ZSCAN30: variants seen among roughly 807,000 people sequenced by gnomAD.
The protein encoded by ZSCAN30 is zinc finger and SCAN domain-containing protein 30.
In ZSCAN30, 37 loss-of-function variants were observed where a neutral mutation model predicts 44.3. The observed-to-expected ratio is 0.84, with a 90% confidence interval of 0.64 to 1.10. The LOEUF is 1.10. Ranked by LOEUF, ZSCAN30 falls within the 50% of genes least tolerant of loss-of-function variation. ZSCAN30 has a pLI of 0.00. For synonymous variants in ZSCAN30, 181 were observed against 204.6 expected (o/e 0.88, Z 0.98); for missense variants, 549 against 582.6 (o/e 0.94, Z 0.59).
Position 35,263,574 on chromosome 18 carries a change from C to T in ZSCAN30, c.492G>A (p.Val164=), listed in dbSNP as rs1569070931. 1.2e-6 allele frequency: 2 copies of T among 1,614,214 alleles called. No homozygotes were observed. Among genetic ancestry groups the T allele is most frequent in the African/African-American group, 1.3e-5 (1 of 75,050 alleles). ...TCTTGCACTGGTTCTCTAAGGGCTG[C>T]ACCGGGCTATTCAGAGACAGAGACT... The part of the protein sequence containing the change: ...ALKSLSLNSP[V]QPLENQCKTE... Residue 164 remains valine, a synonymous_variant, in exon 3 of 4, where the codon GTG becomes GTA. Coordinates refer to ENST00000333206, the MANE Select transcript of ZSCAN30 (RefSeq NM_001112734.4).
intron 1 of ZSCAN30, chr18:35,282,204 C>CAGTA (rs2044467611): frequency 6.6e-6 from 1 of 152,152 alleles, no homozygotes; most frequent in African/African-American, 2.4e-5. Context: ...CTTTATATGT[C>CAGTA]AGTATTTAAG....
intron 1 of ZSCAN30, among the ~76,000 whole-genome samples, chr18:35,288,610 A>G (rs542054783): frequency 6.6e-6 from 1 of 152,278 alleles, no homozygotes; most frequent in Non-Finnish European, 1.5e-5. Context: ...ACAATGGAAT[A>G]TTATTCAGCA....
At chr18:35,261,311 C>T (rs576603811) in intron 3 of ZSCAN30, 3 of 152,188 alleles carry the variant, frequency 2.0e-5, no homozygotes, top group Non-Finnish European at 2.9e-5. Flanking sequence ...GTTCTTTTTG[C>T]TTAGGATTGT....
At chr18:35,257,996 G>A in intron 3 of ZSCAN30, 1 of 780,890 alleles carries the variant, frequency 1.3e-6, no homozygotes, top group East Asian at 2.4e-5. Context: ...CGCTACTTCT[G>A]GCAAGGCATA....
chr18:35,263,511 A>G lies in ZSCAN30; in HGVS notation c.553+2T>C, dbSNP rs2143700367. On this transcript the variant is annotated splice_donor_variant, in intron 3 of 3. Transcript: ENST00000333206. LOFTEE classifies it high-confidence loss of function. ...AACCCCACATGGACTGGGGCTTCTC[A>G]CCTCTCTCCTGGAAAGCCTGGGACT... The G allele has an allele frequency of 1.2e-6, 2 of 1,613,954 alleles. No individual in the cohort carries two copies. Among genetic ancestry groups the G allele is most frequent in the East Asian group, 4.5e-5 (2 of 44,864 alleles).
intron 1 of ZSCAN30, among the ~76,000 whole-genome samples, chr18:35,285,732 A>C (rs1033861462): frequency 6.6e-5 from 10 of 152,102 alleles, no homozygotes; most frequent in African/African-American, 2.4e-4. Context: ...AATTTATAGC[A>C]CCAAATTTCT....
At chr18:35,288,639 TACAC>T (rs1177544099) in intron 1 of ZSCAN30, among the ~76,000 whole-genome samples, 5 of 152,198 alleles carry the variant, frequency 3.3e-5, no homozygotes, top group African/African-American at 4.8e-5. Flanking sequence ...TAACTATTGA[TACAC>T]ACAGCAATAA....
chr18:35,252,807 T>A lies in ZSCAN30; in HGVS notation c.*643A>T, dbSNP rs1560908. Reference sequence around the variant, plus strand: ...TAACTCTGGGAGGGCAATGACCAGGTCTACCTCAATGCCTAGCACATAGCA... The same window carrying A: ...TAACTCTGGGAGGGCAATGACCAGGACTACCTCAATGCCTAGCACATAGCA... On this transcript the variant is annotated 3_prime_UTR_variant, in exon 4 of 4. Coordinates refer to ENST00000333206, the MANE Select transcript of ZSCAN30 (RefSeq NM_001112734.4). 0.31 allele frequency: 47,499 copies of A among 152,212 alleles called. 8,184 individuals are homozygous for A. The highest frequency in any genetic ancestry group is 0.37 in the Non-Finnish European group (25,191 of 68,116). 9.4% of individuals were successfully genotyped at this position (152,212 alleles called of 1,614,324 possible). A position where few individuals can be genotyped will look rare whatever the true frequency, so the allele number is the denominator to read the frequency against.
intron 2 of ZSCAN30, 82 bp downstream of exon 2, chr18:35,263,863 G>T: frequency 6.6e-7 from 1 of 1,504,030 alleles, no homozygotes; most frequent in Non-Finnish European, 9.0e-7. Context: ...TTCTCTGAGA[G>T]CTGAGTCAAT....
rs547472221 is a variant in ZSCAN30, at chr18:35,253,667, C to A, written c.1268G>T (p.Gly423Val). The stretch of plus-strand genomic sequence containing the variant: ...ATGTTCAATAAGGATAGAACTCCTA[C>A]CAAAAGCCTTACCACATGCAATACA... Reference protein sequence around the residue: ...YECIACGKAFGRSSILIEHQR... With the variant: ...YECIACGKAFVRSSILIEHQR... Residue 423 changes from glycine (G) to valine (V), a missense_variant, in exon 4 of 4, where the codon GGT becomes GTT. Gly to Val is a moderately radical substitution (Grantham distance 109). Coordinates refer to ENST00000333206, the MANE Select transcript of ZSCAN30 (RefSeq NM_001112734.4). The A allele has an allele frequency of 1.1e-5, 17 of 1,614,144 alleles. No homozygotes were observed. Among genetic ancestry groups the A allele is most frequent in the Non-Finnish European group, 1.4e-5 (16 of 1,180,008 alleles).
rs373474223 is a variant in ZSCAN30, at chr18:35,254,047, A to C, written c.888T>G (p.Thr296=). 6.8e-5 allele frequency: 110 copies of C among 1,614,168 alleles called. No homozygotes were observed. The East Asian group carries it at 1.5e-3, about 23-fold the overall frequency. The change falls in exon 4 of 4, where the codon ACT becomes ACG. Residue 296 remains threonine (T), a synonymous_variant. Transcript: ENST00000333206. ...CAAAGCACTCATAGAGCTTTTCCCT[A>C]GTGTCAACGCTCTGTTGTGTAATAT... is the stretch of plus-strand genomic sequence containing the variant. The part of the protein sequence containing the change: ...SNDITQQSVD[T]REKLYECFDC...
intron 1 of ZSCAN30, chr18:35,266,606 T>C (rs2044155087): frequency 1.3e-5 from 2 of 151,314 alleles, no homozygotes; most frequent in South Asian, 4.2e-4. Context: ...CAGGTATTAA[T>C]AGATTTTTCA....
chr18:35,261,209 A>T (rs1328932187), intron 3 of ZSCAN30: 1 of 152,084 alleles, frequency 6.6e-6, no homozygotes, highest in Non-Finnish European at 1.5e-5. Flanking sequence ...CCATTGGTCT[A>T]TGTGTCTGTT....
rs548182090 is a variant in ZSCAN30, at chr18:35,280,773, ATATT to A, written c.-104+9307_-104+9310del. 2.5e-4 allele frequency: 38 copies of A among 152,376 alleles called. 1 individual carries two copies. The highest frequency in any genetic ancestry group is 4.6e-4 in the Non-Finnish European group (31 of 68,040). 9.4% of individuals were successfully genotyped at this position (152,376 alleles called of 1,614,324 possible). ...ACAACAAACATGTTAATACTTGTTA[ATATT>A]TATTTGAGCAGCAGCCTACTTGTTA... On this transcript the variant is annotated intron_variant, in intron 1 of 3. Coordinates refer to ENST00000333206, the MANE Select transcript of ZSCAN30 (RefSeq NM_001112734.4).
At chr18:35,279,399 C>T (rs893846311) in intron 1 of ZSCAN30, among the ~76,000 whole-genome samples, 1 of 152,196 alleles carries the variant, frequency 6.6e-6, no homozygotes, top group African/African-American at 2.4e-5. Context: ...TCCTCTGTCT[C>T]CTCTGTGTCT....
At chr18:35,279,428 A>C (rs2044417665) in intron 1 of ZSCAN30, among the ~76,000 whole-genome samples, 1 of 152,240 alleles carries the variant, frequency 6.6e-6, no homozygotes, top group Non-Finnish European at 1.5e-5. Flanking sequence ...CTATCTCATA[A>C]GAACACCAGG....
Position 35,263,956 on chromosome 18 carries a change from G to C in ZSCAN30, c.397C>G (p.Pro133Ala). The C allele has an allele frequency of 6.2e-7, 1 of 1,613,890 alleles. No individual in the cohort carries two copies. Among genetic ancestry groups the C allele is most frequent in the Non-Finnish European group, 8.5e-7 (1 of 1,179,872 alleles). The change falls in exon 2 of 4, where the codon CCA (proline) becomes GCA (alanine). Residue 133 changes from proline (P) to alanine (A), a missense_variant. Physicochemically the swap from Pro to Ala is conservative, Grantham distance 27 (BLOSUM62 -1). Transcript: ENST00000333206. ...TGTTTACTTCTTACCTGTTGCCTTG[G>C]CTCCTCCAGTTCTTTTTCCAGCTCC... ...LEELEKELEE[P>A]RQQDTTHGQE...
chr18:35,263,407 A>G, intron 3 of ZSCAN30, 106 bp downstream of exon 3: 2 of 1,429,690 alleles, frequency 1.4e-6, no homozygotes, highest in Middle Eastern at 2.5e-4. Flanking sequence ...GCCTTTCCAC[A>G]ATACTTAGTG....
At position 35,253,887 on chromosome 18, in the gene ZSCAN30, T is replaced by C. The variant is rs1460604679; in HGVS notation, c.1048A>G (p.Ile350Val). The change falls in exon 4 of 4, where the codon ATT (isoleucine) becomes GTT (valine). Residue 350 changes from isoleucine (I) to valine (V), a missense_variant. Transcript: ENST00000333206. ...LSSDLVRHQR[I>V]HSGEKPYECC... is the part of the protein sequence containing the mutation. ...TCATAGGGTTTTTCACCACTATGAA[T>C]TCTCTGATGTCTAACAAGGTCTGAG... The C allele has an allele frequency of 6.2e-7, 1 of 1,614,182 alleles. No individual in the cohort carries two copies. The highest frequency in any genetic ancestry group is 8.5e-7 in the Non-Finnish European group (1 of 1,180,026).
Sources: gnomAD v4.1 joint callset for allele counts (sites outside exome capture counted in the v4.1 genomes callset) on GRCh38, gnomAD v4.1.1 for gene constraint, MANE v1.5 for transcripts, NCBI Gene and HGNC (gene_info 2026-07-23, HGNC 2026-07-21) for gene names.